LRRTM4: variants seen among roughly 807,000 people sequenced by gnomAD.
LRRTM4 encodes the protein leucine-rich repeat transmembrane neuronal protein 4.
A neutral mutation model predicts 47.6 loss-of-function variants in LRRTM4; 25 were observed. That is an observed-to-expected ratio of 0.53 (90% CI 0.38 to 0.73). The LOEUF (loss-of-function observed/expected upper bound fraction) is 0.73. LRRTM4 is among the 30% of genes least tolerant of loss of function. The pLI is 0.00. For synonymous variants in LRRTM4, 311 were observed against 269.5 expected, an observed-to-expected ratio of 1.15 and a Z score of -1.51; for missense variants, 638 against 713.4, an observed-to-expected ratio of 0.89 and a Z score of 1.20.
intron 3 of LRRTM4, among the ~76,000 whole-genome samples, chr2:77,091,409 G>T (rs1241487627): frequency 6.8e-6 from 1 of 147,852 alleles, no homozygotes; most frequent in Non-Finnish European, 1.5e-5. Flanking sequence ...GTTATCACTC[G>T]CCTGCTACAG....
intron 3 of LRRTM4, among the ~76,000 whole-genome samples, chr2:76,928,930 A>G (rs1431647235): frequency 6.6e-6 from 1 of 152,142 alleles, no homozygotes; most frequent in East Asian, 1.9e-4. Context: ...ATTTTAATCA[A>G]CATTACAAAG....
chr2:77,021,646 C>T (rs1305423953), intron 3 of LRRTM4, among the ~76,000 whole-genome samples: 1 of 152,092 alleles, frequency 6.6e-6, no homozygotes, highest in Admixed American at 6.5e-5. Flanking sequence ...CATCTTTAAC[C>T]AGACTGCCAG....
chr2:76,929,660 A>G (rs987702733), intron 3 of LRRTM4, among the ~76,000 whole-genome samples: 1 of 152,170 alleles, frequency 6.6e-6, no homozygotes, highest in Non-Finnish European at 1.5e-5. Context: ...GAAGTCCAGC[A>G]TAATTCCCCA....
intron 3 of LRRTM4, among the ~76,000 whole-genome samples, chr2:77,132,438 A>T (rs2103978795): frequency 6.6e-6 from 1 of 152,338 alleles, no homozygotes; most frequent in African/African-American, 2.4e-5. Context: ...CATTGTGTCA[A>T]GTGCTACAGT....
intron 3 of LRRTM4, among the ~76,000 whole-genome samples, chr2:77,339,401 T>C (rs946379779): frequency 6.6e-6 from 1 of 152,068 alleles, no homozygotes. Context: ...AGGACGACTT[T>C]TTTTCTTTTC....
At chr2:77,063,254 G>T (rs1263903890) in intron 3 of LRRTM4, among the ~76,000 whole-genome samples, 1 of 152,048 alleles carries the variant, frequency 6.6e-6, no homozygotes, top group African/African-American at 2.4e-5. Flanking sequence ...CACTGCGCCC[G>T]GCCTCCCCTT....
At chr2:77,478,797 C>T (rs1019827220) in intron 3 of LRRTM4, among the ~76,000 whole-genome samples, 2 of 152,164 alleles carry the variant, frequency 1.3e-5, no homozygotes, top group Non-Finnish European at 2.9e-5. Context: ...CAGATGTATT[C>T]AGAGTTTTTG....
At chr2:77,249,356 A>C (rs1675539715) in intron 3 of LRRTM4, among the ~76,000 whole-genome samples, 1 of 152,122 alleles carries the variant, frequency 6.6e-6, no homozygotes, top group African/African-American at 2.4e-5. Flanking sequence ...ATCTCAAAAA[A>C]ATAAAATAAA....
intron 3 of LRRTM4, among the ~76,000 whole-genome samples, chr2:76,883,207 C>G (rs796081042): frequency 2.6e-5 from 4 of 152,292 alleles, no homozygotes; most frequent in African/African-American, 9.6e-5. Context: ...TTCTACCAGT[C>G]TCTTTCCTCT....
intron 3 of LRRTM4, among the ~76,000 whole-genome samples, chr2:77,035,044 T>A (rs1470843180): frequency 6.6e-6 from 1 of 151,770 alleles, no homozygotes; most frequent in Non-Finnish European, 1.5e-5. Flanking sequence ...ATCTTTTATT[T>A]TTATTATTTT....
At chr2:77,211,660 G>A (rs1351238078) in intron 3 of LRRTM4, among the ~76,000 whole-genome samples, 1 of 151,974 alleles carries the variant, frequency 6.6e-6, no homozygotes, top group Non-Finnish European at 1.5e-5. Context: ...AATATGGATA[G>A]GTAAATTCAT....
rs562087319 is a variant in LRRTM4 at position 77,328,274 on chromosome 2, T to C, written c.1551+190044A>G. 5.3e-5 allele frequency among the ~76,000 whole-genome samples: 8 copies of C among 152,302 alleles called. No homozygotes were observed. In the East Asian group the frequency reaches 5.8e-4, roughly 11 times the overall value. The stretch of plus-strand genomic sequence containing the variant: ...GTTGCTATTAGGTCTAACTGAATAA[T>C]AGCTCTCTGCAAAATCCCAGCCACA... On this transcript the variant is annotated intron_variant, in intron 3 of 3. Coordinates refer to ENST00000409884, the MANE Select transcript of LRRTM4 (RefSeq NM_001134745.3).
At chr2:77,245,631 T>TG (rs1675425187) in intron 3 of LRRTM4, among the ~76,000 whole-genome samples, 5 of 151,896 alleles carry the variant, frequency 3.3e-5, no homozygotes, top group African/African-American at 1.2e-4. Flanking sequence ...CACTTTTTTT[T>TG]TGTGATACCT....
intron 3 of LRRTM4, chr2:77,009,348 C>T (rs1677781977): frequency 6.6e-6 from 1 of 152,026 alleles, no homozygotes; most frequent in Admixed American, 6.6e-5. Context: ...TTGTCTTCTC[C>T]CATTTTCCTT....
At chr2:77,282,404 T>C (rs1438821877) in intron 3 of LRRTM4, among the ~76,000 whole-genome samples, 1 of 151,880 alleles carries the variant, frequency 6.6e-6, no homozygotes, top group Non-Finnish European at 1.5e-5. Context: ...TTTGACTTAT[T>C]CTTTTCCCAT....
At chr2:76,884,473 A>C (rs942458694) in intron 3 of LRRTM4, among the ~76,000 whole-genome samples, 1 of 152,196 alleles carries the variant, frequency 6.6e-6, no homozygotes, top group Admixed American at 6.5e-5. Context: ...CTATAATTAC[A>C]TGTAAGTATC....
chr2:77,509,501 G>A (rs1359890934), intron 3 of LRRTM4, among the ~76,000 whole-genome samples: 4 of 152,040 alleles, frequency 2.6e-5, no homozygotes, highest in Admixed American at 1.3e-4. Flanking sequence ...TCAGACAAGG[G>A]ACGGAAAGGT....
intron 3 of LRRTM4, among the ~76,000 whole-genome samples, chr2:77,481,604 T>C (rs1453620638): frequency 6.6e-6 from 1 of 152,200 alleles, no homozygotes; most frequent in African/African-American, 2.4e-5. Flanking sequence ...GGGCAGAGAT[T>C]CCACTTCCCT....
chr2:76,810,367 T>TTCCACCAAAAG (rs1670697716), intron 3 of LRRTM4, among the ~76,000 whole-genome samples: 1 of 152,192 alleles, frequency 6.6e-6, no homozygotes, highest in African/African-American at 2.4e-5. Context: ...CAAAAGAATA[T>TTCCACCAAAAG]AACCTAATTT....
Sources: allele counts gnomAD v4.1 joint callset (sites outside exome capture counted in the v4.1 genomes callset), GRCh38; gene constraint gnomAD v4.1.1; transcripts MANE v1.5; gene names NCBI Gene and HGNC (gene_info 2026-07-23, HGNC 2026-07-21).